Variants in SLF2 observed in about 807,000 individuals in gnomAD.
The protein encoded by SLF2 is SMC5-SMC6 complex localization factor protein 2.
A neutral mutation model predicts 124.3 loss-of-function variants in SLF2; 68 were observed. That is an observed-to-expected ratio of 0.55 (90% CI 0.45 to 0.67). The LOEUF (loss-of-function observed/expected upper bound fraction) is 0.67, where lower values mean the gene tolerates loss of function less well. SLF2 is among the 30% of genes least tolerant of loss of function. SLF2 has a pLI of 0.00. For missense variants in SLF2, 1,246 were observed against 1,373.7 expected (o/e 0.91, Z 1.47); for synonymous variants, 480 against 478.8 (o/e 1.00, Z -0.03).
intron 17 of SLF2, among the ~76,000 whole-genome samples, 188 bp downstream of exon 17, chr10:100,950,941 G>A (rs1257081350): frequency 1.3e-5 from 2 of 151,902 alleles, no homozygotes; most frequent in African/African-American, 2.4e-5. Flanking sequence ...TAACTATATC[G>A]TATTGAAAAG....
chr10:100,922,629 T>G lies in SLF2; in HGVS notation c.974-1346T>G, dbSNP rs186231900. ...AAATAGTGAATTTTTTGTGTTTTTT[T>G]TTGTTGTTGTTTTGTTTTTTTGAGT... On this transcript the variant is annotated intron_variant, in intron 4 of 19. Coordinates refer to ENST00000238961, the MANE Select transcript of SLF2 (RefSeq NM_018121.4). Among the ~76,000 whole-genome samples, 540 of 152,224 alleles carry G rather than the reference T, an allele frequency of 3.5e-3. 2 individuals are homozygous for G. Among genetic ancestry groups the G allele is most frequent in the Non-Finnish European group, 4.6e-3 (313 of 68,020 alleles).
rs1439824821 is a variant in SLF2, at chr10:100,944,080, G to A, written c.2709G>A (p.Lys903=). Residue 903 remains lysine (K), a synonymous_variant, in exon 12 of 20, where the codon AAG becomes AAA. Coordinates refer to ENST00000238961, the MANE Select transcript of SLF2 (RefSeq NM_018121.4). ...AAGAAAGTGAAGATTCATCTTATAA[G>A]CCAATTTTTTCAACACTTCCTGAAA... ...RGKESEDSSY[K]PIFSTLPETN... is the part of the protein sequence containing the mutation. 1 of 1,612,702 alleles carries A rather than the reference G, an allele frequency of 6.2e-7. No homozygotes were observed. Among genetic ancestry groups the A allele is most frequent in the Admixed American group, 1.7e-5 (1 of 59,746 alleles).
At chr10:100,935,371 GGTGACAGT>G (rs1849825186) in intron 9 of SLF2, among the ~76,000 whole-genome samples, 1 of 151,922 alleles carries the variant, frequency 6.6e-6, no homozygotes, top group East Asian at 1.9e-4. Flanking sequence ...CTCCAGCCTG[GGTGACAGT>G]GCGAGATTCT....
intron 9 of SLF2, among the ~76,000 whole-genome samples, chr10:100,935,944 A>G (rs1475953758): frequency 2.9e-5 from 4 of 139,360 alleles, no homozygotes; most frequent in Admixed American, 2.4e-4. Context: ...CTGCAGCCTC[A>G]ACCTCCCAGG....
At chr10:100,960,265 T>C (rs1293024787) in intron 19 of SLF2, among the ~76,000 whole-genome samples, 2 of 152,370 alleles carry the variant, frequency 1.3e-5, no homozygotes, top group African/African-American at 4.8e-5. Context: ...TGAATATGTG[T>C]TCTCAAATGA....
In SLF2 at chr10:100,944,306, T is replaced by C. The variant is rs547604896; in HGVS notation, c.2757+178T>C. On this transcript the variant is annotated intron_variant, in intron 12 of 19. Transcript: ENST00000238961. ...GTCAGGAGATCGAGACCATCCTGGCTAACACGGTGAAAACCCGTCTCTACT... is the reference window on the plus strand; with the variant it reads ...GTCAGGAGATCGAGACCATCCTGGCCAACACGGTGAAAACCCGTCTCTACT... Among the ~76,000 whole-genome samples the C allele has an allele frequency of 2.3e-3, 357 of 151,980 alleles. 1 individual carries two copies. Among genetic ancestry groups the C allele is most frequent in the Middle Eastern group, 3.4e-3 (1 of 294 alleles).
At position 100,962,068 on chromosome 10, in the gene SLF2, A is replaced by G; in HGVS notation, c.*156A>G. ...CTAGTATGAAGCTGGTAATGAAGAA[A>G]TTGCCATTTCTGAAGCAGATATGAA... On this transcript the variant is annotated 3_prime_UTR_variant, in exon 20 of 20. Transcript: ENST00000238961. 1 of 633,684 alleles carries G rather than the reference A, an allele frequency of 1.6e-6. No homozygotes were observed. The allele number at this position is 633,684 out of a possible 1,614,324, so 39.3% of individuals were successfully genotyped here. A position where few individuals can be genotyped will look rare whatever the true frequency, so the allele number is the denominator to read the frequency against.
In SLF2 at chr10:100,924,474, T is replaced by C; in HGVS notation, c.1473T>C (p.Ala491=). The C allele has an allele frequency of 1.2e-6, 2 of 1,614,154 alleles. No homozygotes were observed. Among genetic ancestry groups the C allele is most frequent in the Non-Finnish European group, 1.7e-6 (2 of 1,180,022 alleles). ...SAGSSLVPLN[A]KNCALPVSKK... Reference sequence around the variant, plus strand: ...GTTCCTCTCTAGTACCATTAAATGCTAAAAATTGTGCTCTTCCAGTTTCTA... The same window carrying C: ...GTTCCTCTCTAGTACCATTAAATGCCAAAAATTGTGCTCTTCCAGTTTCTA... The change falls in exon 5 of 20, where the codon GCT becomes GCC. Residue 491 remains alanine (A), a synonymous_variant. Transcript: ENST00000238961.
At chr10:100,938,772 C>T in intron 11 of SLF2, 36 bp downstream of exon 11, 1 of 1,550,956 alleles carries the variant, frequency 6.4e-7, no homozygotes, top group South Asian at 1.2e-5. Flanking sequence ...CCAAAAATAT[C>T]ATTTCGTACG....
At chr10:100,957,807 GA>G (rs1196697101) in intron 18 of SLF2, among the ~76,000 whole-genome samples, 1 of 152,116 alleles carries the variant, frequency 6.6e-6, no homozygotes, top group African/African-American at 2.4e-5. Context: ...TATGGAGTAG[GA>G]AAATAATGTT....
intron 6 of SLF2, chr10:100,926,294 G>C: frequency 1.4e-6 from 2 of 1,462,624 alleles, no homozygotes; most frequent in Non-Finnish European, 1.8e-6. Context: ...GGGTGGCAGA[G>C]TGAGACCCAG....
At chr10:100,936,862 TTG>T (rs1263767234) in intron 9 of SLF2, among the ~76,000 whole-genome samples, 1 of 107,530 alleles carries the variant, frequency 9.3e-6, no homozygotes, top group Non-Finnish European at 2.4e-5. Flanking sequence ...TAAATGAAAG[TTG>T]TAAAAAAAAA....
intron 1 of SLF2, among the ~76,000 whole-genome samples, chr10:100,915,417 T>C (rs530470812): frequency 1.8e-4 from 27 of 152,332 alleles, no homozygotes; most frequent in Admixed American, 1.3e-3. Context: ...CCTCTTCAAC[T>C]GATTCCCTAG....
Position 100,963,642 on chromosome 10 carries a change from G to GTGTTCA in SLF2, c.*1732_*1737dup, listed in dbSNP as rs1011559984. ...ACATTATTTGTGTGTAATTTTATAC[G>GTGTTCA]TGTTCATATTTTTCTCATTTTGCAT... On this transcript the variant is annotated 3_prime_UTR_variant, in exon 20 of 20. Coordinates refer to ENST00000238961, the MANE Select transcript of SLF2 (RefSeq NM_018121.4). 1 of 152,522 alleles carries GTGTTCA rather than the reference G, an allele frequency of 6.6e-6. No individual in the cohort carries two copies. The highest frequency in any genetic ancestry group is 1.5e-5 in the Non-Finnish European group (1 of 68,026). 9.4% of individuals were successfully genotyped at this position (152,522 alleles called of 1,614,324 possible).
At chr10:100,942,601 C>A (rs189095819) in intron 11 of SLF2, among the ~76,000 whole-genome samples, 196 of 152,262 alleles carry the variant, frequency 1.3e-3, no homozygotes, top group Non-Finnish European at 1.9e-3. Flanking sequence ...TCACTGCAAC[C>A]TCCACCTCCC....
At chr10:100,926,166 G>A (rs528554465) in intron 6 of SLF2, 147 bp downstream of exon 6, 1 of 1,554,380 alleles carries the variant, frequency 6.4e-7, no homozygotes, top group Admixed American at 2.0e-5. Context: ...AGATATGTTG[G>A]CCGGACGCAG....
chr10:100,943,929 C>T (rs1303861383), intron 11 of SLF2, 97 bp from the exon 12 acceptor site: 9 of 707,028 alleles, frequency 1.3e-5, no homozygotes, highest in Admixed American at 3.4e-5. Context: ...AATTATACCT[C>T]GATAAAACAT....
chr10:100,927,371 C>G (rs1589948614), intron 6 of SLF2, among the ~76,000 whole-genome samples: 1 of 152,306 alleles, frequency 6.6e-6, no homozygotes, highest in East Asian at 1.9e-4. Context: ...CTGTTTATTT[C>G]ATTCAGGGCA....
At chr10:100,925,092 T>A in intron 5 of SLF2, 120 bp downstream of exon 5, 1 of 1,043,934 alleles carries the variant, frequency 9.6e-7, no homozygotes, top group South Asian at 1.7e-5. Flanking sequence ...ATATTTGTAC[T>A]GAAAATGGAA....
Sources: allele counts gnomAD v4.1 joint callset (sites outside exome capture counted in the v4.1 genomes callset), GRCh38; gene constraint gnomAD v4.1.1; transcripts MANE v1.5; gene names NCBI Gene and HGNC (gene_info 2026-07-23, HGNC 2026-07-21).